Variants in DPP10 observed in about 807,000 individuals in gnomAD.
DPP10 encodes inactive dipeptidyl peptidase 10.
In DPP10, 33 loss-of-function variants were observed where a neutral mutation model predicts 120.9. That is an observed-to-expected ratio of 0.27 (90% CI 0.21 to 0.37). The LOEUF is 0.37. Among genes scored for constraint, DPP10 ranks in the 10% least tolerant of loss-of-function variants. The pLI is 1.00. For missense variants in DPP10, 816 were observed against 942.8 expected, an observed-to-expected ratio of 0.87 and a Z score of 1.76; for synonymous variants, 337 against 326.1, an observed-to-expected ratio of 1.03 and a Z score of -0.36.
chr2:115,628,824 T>C (rs2085586622), intron 5 of DPP10, among the ~76,000 whole-genome samples: 1 of 152,010 alleles, frequency 6.6e-6, no homozygotes, highest in South Asian at 2.1e-4. Flanking sequence ...TTTTTTATTA[T>C]TATTATTATA....
At chr2:114,447,088 C>A (rs1033190032) in intron 1 of DPP10, among the ~76,000 whole-genome samples, 4 of 148,704 alleles carry the variant, frequency 2.7e-5, no homozygotes, top group Admixed American at 1.4e-4. Context: ...CCTCCGCCTC[C>A]CAGTTTCAAG....
chr2:115,279,637 CTTTCTTTTT>C (rs2060064652), intron 1 of DPP10, among the ~76,000 whole-genome samples: 1 of 66,476 alleles, frequency 1.5e-5, no homozygotes, highest in Non-Finnish European at 3.3e-5. Flanking sequence ...TTCTTTCTTT[CTTTCTTTTT>C]TTCTTCTTCT....
chr2:115,810,975 T>G (rs1317139680), intron 19 of DPP10, among the ~76,000 whole-genome samples: 1 of 152,240 alleles, frequency 6.6e-6, no homozygotes, highest in Non-Finnish European at 1.5e-5. Context: ...TAGTACATTC[T>G]GTGTGGTTAT....
At chr2:115,381,778 A>G (rs1161192564) in intron 3 of DPP10, among the ~76,000 whole-genome samples, 5 of 150,216 alleles carry the variant, frequency 3.3e-5, no homozygotes, top group Non-Finnish European at 7.4e-5. Context: ...AACAGACACA[A>G]CCCTCAGCTG....
chr2:114,529,572 C>A (rs1308976199), intron 1 of DPP10, among the ~76,000 whole-genome samples: 2 of 152,148 alleles, frequency 1.3e-5, no homozygotes, highest in African/African-American at 4.8e-5. Flanking sequence ...ATGGGACCTC[C>A]AGTTTTGAAG....
At chr2:114,450,342 T>C (rs1041689624) in intron 1 of DPP10, among the ~76,000 whole-genome samples, 5 of 152,170 alleles carry the variant, frequency 3.3e-5, no homozygotes, top group East Asian at 1.9e-4. Context: ...TAGTCTTCTG[T>C]ACCTCTTTAA....
chr2:115,789,829 T>C (rs1485100762), intron 17 of DPP10, among the ~76,000 whole-genome samples: 5 of 152,116 alleles, frequency 3.3e-5, no homozygotes, highest in Non-Finnish European at 7.4e-5. Flanking sequence ...GATTTAGGAG[T>C]ATTTTTAAAA....
At chr2:115,026,154 G>T (rs1703446350) in intron 1 of DPP10, among the ~76,000 whole-genome samples, 1 of 152,028 alleles carries the variant, frequency 6.6e-6, no homozygotes, top group South Asian at 2.1e-4. Flanking sequence ...CATAGTTTCA[G>T]GTTTAGATTT....
At chr2:115,747,790 T>C (rs1678182560) in intron 10 of DPP10, among the ~76,000 whole-genome samples, 3 of 152,176 alleles carry the variant, frequency 2.0e-5, no homozygotes, top group African/African-American at 7.2e-5. Flanking sequence ...AGATGGGGTT[T>C]CACTGTGTTA....
At chr2:114,852,217 C>A (rs1356404904) in intron 1 of DPP10, among the ~76,000 whole-genome samples, 1 of 111,604 alleles carries the variant, frequency 9.0e-6, no homozygotes, top group Non-Finnish European at 1.7e-5. Context: ...CTTTACTGAA[C>A]TATTTACTCC....
chr2:114,957,021 G>T (rs911778967), intron 1 of DPP10, among the ~76,000 whole-genome samples: 6 of 146,014 alleles, frequency 4.1e-5, no homozygotes, highest in Non-Finnish European at 9.0e-5. Context: ...GCATGATATT[G>T]ATCTGAGCAA....
At chr2:114,518,944 C>G (rs570925831) in intron 1 of DPP10, among the ~76,000 whole-genome samples, 1 of 152,230 alleles carries the variant, frequency 6.6e-6, no homozygotes, top group Non-Finnish European at 1.5e-5. Context: ...CCCATCTGAG[C>G]CCTGAGCGAC....
chr2:114,537,747 T>A (rs1686629356), intron 1 of DPP10, among the ~76,000 whole-genome samples: 1 of 152,200 alleles, frequency 6.6e-6, no homozygotes, highest in African/African-American at 2.4e-5. Context: ...CATCCTGAGA[T>A]GGGGACAATG....
intron 5 of DPP10, among the ~76,000 whole-genome samples, chr2:115,653,417 C>T (rs1051519419): frequency 4.6e-5 from 7 of 151,926 alleles, no homozygotes; most frequent in African/African-American, 1.7e-4. Context: ...CAGTAGTTCA[C>T]TTTTAAAACA....
intron 1 of DPP10, among the ~76,000 whole-genome samples, chr2:114,815,616 G>A (rs1164756624): frequency 2.6e-5 from 4 of 152,174 alleles, no homozygotes; most frequent in Non-Finnish European, 5.9e-5. Flanking sequence ...GCTGCCTAAT[G>A]GTTGACCTTC....
In DPP10 at chr2:114,572,777, G is replaced by A. The variant is rs1573689096; in HGVS notation, c.60+129939G>A. ...GATATTTCTCAAAACTGGTCCATGG[G>A]GATGACACTGTTATCTCTTCTTACA... On this transcript the variant is annotated intron_variant, in intron 1 of 25. Coordinates refer to ENST00000410059, the MANE Select transcript of DPP10 (RefSeq NM_020868.6). 4.6e-5 allele frequency among the ~76,000 whole-genome samples: 7 copies of A among 152,234 alleles called. No individual in the cohort carries two copies. In the South Asian group the frequency reaches 1.2e-3, roughly 27 times the overall value.
chr2:115,801,796 G>T (rs1000587622), intron 19 of DPP10, among the ~76,000 whole-genome samples: 39 of 152,146 alleles, frequency 2.6e-4, no homozygotes, highest in Non-Finnish European at 3.1e-4. Flanking sequence ...CTTGATCATG[G>T]TGGATAAGCT....
At chr2:114,735,410 C>G (rs1050605392) in intron 1 of DPP10, among the ~76,000 whole-genome samples, 4 of 152,002 alleles carry the variant, frequency 2.6e-5, no homozygotes, top group Non-Finnish European at 5.9e-5. Flanking sequence ...CTAAAAAAAG[C>G]AAGAGTTTCA....
chr2:114,973,899 A>C (rs1316289070), intron 1 of DPP10, among the ~76,000 whole-genome samples: 1 of 152,056 alleles, frequency 6.6e-6, no homozygotes, highest in East Asian at 1.9e-4. Context: ...AAAAGCTTTA[A>C]AAAGAAAAAA....
Sources: allele counts gnomAD v4.1 joint callset (sites outside exome capture counted in the v4.1 genomes callset), GRCh38; gene constraint gnomAD v4.1.1; transcripts MANE v1.5; gene names NCBI Gene and HGNC (gene_info 2026-07-23, HGNC 2026-07-21).